The following CCSER1 variants were observed in gnomAD, a reference collection of about 807,000 sequenced individuals.
CCSER1 encodes serine-rich coiled-coil domain-containing protein 1.
A neutral mutation model predicts 82.0 loss-of-function variants in CCSER1; 41 were observed. That is an observed-to-expected ratio of 0.50 (90% CI 0.39 to 0.65). CCSER1 has a LOEUF of 0.65. CCSER1 is among the 30% of genes least tolerant of loss of function. CCSER1 has a pLI of 0.00. For synonymous variants in CCSER1, 414 were observed against 383.9 expected (o/e 1.08, Z -0.92); for missense variants, 1,119 against 1,064.2 (o/e 1.05, Z -0.72).
intron 5 of CCSER1, among the ~76,000 whole-genome samples, chr4:90,594,420 T>C (rs566123681): frequency 4.6e-5 from 7 of 152,198 alleles, no homozygotes; most frequent in African/African-American, 1.7e-4. Flanking sequence ...AGAATTTAAC[T>C]AGCCCTGTGT....
intron 10 of CCSER1, among the ~76,000 whole-genome samples, chr4:91,338,854 CT>C (rs1291330183): frequency 2.0e-5 from 3 of 152,098 alleles, no homozygotes; most frequent in African/African-American, 7.2e-5. Context: ...ATGTAGTTTT[CT>C]CTTTAAATAT....
chr4:90,491,414 G>C (rs570643232), intron 5 of CCSER1, among the ~76,000 whole-genome samples: 71 of 152,246 alleles, frequency 4.7e-4, no homozygotes, highest in African/African-American at 1.5e-3. Flanking sequence ...AGGAGATTTT[G>C]GCCTGAGACG....
intron 2 of CCSER1, among the ~76,000 whole-genome samples, chr4:90,310,401 C>T (rs1735092520): frequency 6.6e-6 from 1 of 152,020 alleles, no homozygotes; most frequent in Admixed American, 6.6e-5. Flanking sequence ...TCTCTACTAT[C>T]ATTAATGCTA....
At chr4:91,448,313 C>T (rs1174056569) in intron 10 of CCSER1, among the ~76,000 whole-genome samples, 1 of 152,022 alleles carries the variant, frequency 6.6e-6, no homozygotes, top group Non-Finnish European at 1.5e-5. Context: ...GTAAATTCTC[C>T]TGTTCTTCTT....
chr4:91,081,461 G>C (rs1490875436), intron 9 of CCSER1, among the ~76,000 whole-genome samples: 1 of 152,150 alleles, frequency 6.6e-6, no homozygotes, highest in African/African-American at 2.4e-5. Flanking sequence ...ATATCATACT[G>C]AATGGGCAAA....
intron 10 of CCSER1, among the ~76,000 whole-genome samples, chr4:91,155,233 A>AT (rs1730697079): frequency 6.6e-6 from 1 of 151,830 alleles, no homozygotes; most frequent in African/African-American, 2.4e-5. Flanking sequence ...AGGTAATTGA[A>AT]TTATAGGGGT....
In CCSER1 at chr4:91,334,304, T is replaced by G. The variant is rs556820258; in HGVS notation, c.2217+248310T>G. Reference sequence around the variant, plus strand: ...CAGTGTTTTATTCAGCATCATGCACTTCTCTCAACCTCGTATGCTTCTTGA... The same window carrying G: ...CAGTGTTTTATTCAGCATCATGCACGTCTCTCAACCTCGTATGCTTCTTGA... On this transcript the variant is annotated intron_variant, in intron 10 of 10. Coordinates refer to ENST00000509176, the MANE Select transcript of CCSER1 (RefSeq NM_001145065.2). 7.9e-5 allele frequency among the ~76,000 whole-genome samples: 12 copies of G among 152,220 alleles called. No individual in the cohort carries two copies. In the South Asian group the frequency reaches 2.5e-3, roughly 32 times the overall value.
chr4:90,409,128 T>C (rs983748398), intron 4 of CCSER1, among the ~76,000 whole-genome samples: 12 of 152,150 alleles, frequency 7.9e-5, no homozygotes, highest in Admixed American at 7.9e-4. Flanking sequence ...TATGGGACTA[T>C]GTGAAAAGAC....
At chr4:91,555,604 C>T (rs1762362210) in intron 10 of CCSER1, among the ~76,000 whole-genome samples, 1 of 150,576 alleles carries the variant, frequency 6.6e-6, no homozygotes, top group African/African-American at 2.4e-5. Flanking sequence ...TAAATACATA[C>T]ACTAGATACA....
intron 10 of CCSER1, among the ~76,000 whole-genome samples, chr4:91,418,909 A>G (rs1753534494): frequency 6.6e-6 from 1 of 152,020 alleles, no homozygotes; most frequent in Non-Finnish European, 1.5e-5. Flanking sequence ...ATCAAGTAGG[A>G]TTTATCCATG....
chr4:90,943,281 CT>C (rs1282585171), intron 9 of CCSER1, among the ~76,000 whole-genome samples: 1 of 152,056 alleles, frequency 6.6e-6, no homozygotes, highest in East Asian at 1.9e-4. Flanking sequence ...TCATATATTC[CT>C]TAAAAAGTTA....
chr4:90,133,393 G>A (rs1171221446), intron 1 of CCSER1, among the ~76,000 whole-genome samples: 1 of 152,150 alleles, frequency 6.6e-6, no homozygotes, highest in Non-Finnish European at 1.5e-5. Context: ...CAAAGGGTAT[G>A]CACAATACAA....
At chr4:90,822,146 T>A (rs1250247384) in intron 8 of CCSER1, among the ~76,000 whole-genome samples, 4 of 152,196 alleles carry the variant, frequency 2.6e-5, no homozygotes, top group Non-Finnish European at 5.9e-5. Flanking sequence ...ATTTAGTTAG[T>A]TCTATGACCG....
Position 91,421,596 on chromosome 4 carries a change from G to C in CCSER1, c.2218-176976G>C, listed in dbSNP as rs1001333581. ...CAGAAATATATCATAGACACACCCA[G>C]ATAAAACATTTTACCACCTGTCTGT... On this transcript the variant is annotated intron_variant, in intron 10 of 10. Transcript: ENST00000509176. 2.1e-4 allele frequency among the ~76,000 whole-genome samples: 32 copies of C among 152,104 alleles called. 1 individual carries two copies. The highest frequency in any genetic ancestry group is 7.7e-4 in the African/African-American group (32 of 41,458).
intron 4 of CCSER1, among the ~76,000 whole-genome samples, chr4:90,409,464 G>A (rs1462473219): frequency 6.6e-6 from 1 of 152,132 alleles, no homozygotes; most frequent in Non-Finnish European, 1.5e-5. Context: ...GAAGAGAGTG[G>A]GGGCCAATAT....
At chr4:91,149,321 A>AT (rs1363469974) in intron 10 of CCSER1, among the ~76,000 whole-genome samples, 2 of 152,026 alleles carry the variant, frequency 1.3e-5, no homozygotes, top group Non-Finnish European at 2.9e-5. Context: ...TCACTTGTTG[A>AT]TGGGGTTGAT....
chr4:91,193,850 T>C (rs951573562), intron 10 of CCSER1, among the ~76,000 whole-genome samples: 2 of 152,112 alleles, frequency 1.3e-5, no homozygotes, highest in Admixed American at 6.5e-5. Context: ...TATGGCCTGA[T>C]GTCCCTTATG....
intron 1 of CCSER1, among the ~76,000 whole-genome samples, chr4:90,203,283 GGTTT>G (rs1738116489): frequency 6.6e-6 from 1 of 152,070 alleles, no homozygotes; most frequent in Non-Finnish European, 1.5e-5. Flanking sequence ...GTGCCATGGT[GGTTT>G]GCTGCACCCA....
intron 5 of CCSER1, among the ~76,000 whole-genome samples, chr4:90,611,059 C>CTTTTTTTTTTTTTTTTTTTTTTTTTT (rs201354908): frequency 7.5e-5 from 7 of 93,822 alleles, no homozygotes; most frequent in Admixed American, 1.2e-4. Context: ...CTTTTCTTTT[C>CTTTTTTTTTTTTTTTTTTTTTTTTTT]TTTTTTTTTT....
Sources: allele counts gnomAD v4.1 joint callset (sites outside exome capture counted in the v4.1 genomes callset), GRCh38; gene constraint gnomAD v4.1.1; transcripts MANE v1.5; gene names NCBI Gene and HGNC (gene_info 2026-07-23, HGNC 2026-07-21).